The following IMMP2L variants were observed in gnomAD, a reference collection of about 807,000 sequenced individuals.
The protein encoded by IMMP2L is mitochondrial inner membrane protease subunit 2.
IMMP2L carries 18 observed loss-of-function variants against 19.3 expected under a neutral mutation model. The ratio of observed to expected loss-of-function variants is 0.93; its 90% CI spans 0.64 to 1.38. The LOEUF is 1.38. Ranked by LOEUF, IMMP2L falls within the 40% of genes most tolerant of loss-of-function variation. The pLI is 0.00. For missense variants in IMMP2L, 233 were observed against 218.2 expected, an observed-to-expected ratio of 1.07 and a Z score of -0.43; for synonymous variants, 76 against 73.0, an observed-to-expected ratio of 1.04 and a Z score of -0.21.
chr7:110,820,200 T>A (rs965676637), intron 5 of IMMP2L, among the ~76,000 whole-genome samples: 1 of 152,066 alleles, frequency 6.6e-6, no homozygotes, highest in African/African-American at 2.4e-5. Flanking sequence ...AATTTTTGAT[T>A]AACAGCATTC....
intron 3 of IMMP2L, among the ~76,000 whole-genome samples, chr7:111,347,957 TAA>T (rs372347400): frequency 1.3e-5 from 2 of 150,862 alleles, no homozygotes; most frequent in African/African-American, 4.9e-5. Flanking sequence ...TATGCAGCCA[TAA>T]AAAAAAGGAT....
chr7:111,398,602 A>G (rs910708406), intron 3 of IMMP2L, among the ~76,000 whole-genome samples: 2 of 152,094 alleles, frequency 1.3e-5, no homozygotes, highest in African/African-American at 4.8e-5. Flanking sequence ...TCTCTTCAGC[A>G]TAGTACTGGA....
At chr7:111,231,062 A>C (rs1459361056) in intron 3 of IMMP2L, among the ~76,000 whole-genome samples, 1 of 150,954 alleles carries the variant, frequency 6.6e-6, no homozygotes, top group African/African-American at 2.4e-5. Flanking sequence ...GTGTACATAT[A>C]AACAAAAAGA....
chr7:110,717,365 T>TA (rs1795296205), intron 5 of IMMP2L, among the ~76,000 whole-genome samples: 1 of 152,204 alleles, frequency 6.6e-6, no homozygotes, highest in South Asian at 2.1e-4. Context: ...CTTGGGAGGC[T>TA]GAGGCAGGAG....
intron 3 of IMMP2L, among the ~76,000 whole-genome samples, chr7:111,258,404 A>G (rs910936776): frequency 6.6e-6 from 1 of 152,204 alleles, no homozygotes; most frequent in Non-Finnish European, 1.5e-5. Context: ...ACTAATTACC[A>G]TCCATATTGT....
chr7:110,673,206 T>G (rs1348359424), intron 5 of IMMP2L, among the ~76,000 whole-genome samples: 11 of 152,252 alleles, frequency 7.2e-5, no homozygotes, highest in Admixed American at 7.2e-4. Context: ...CTGCCAAGGC[T>G]TGGGGCTTGT....
chr7:111,386,360 A>C (rs1432548788), intron 3 of IMMP2L, among the ~76,000 whole-genome samples: 1 of 152,190 alleles, frequency 6.6e-6, no homozygotes, highest in African/African-American at 2.4e-5. Context: ...GTTTAAGATA[A>C]GGCAAATACT....
intron 3 of IMMP2L, among the ~76,000 whole-genome samples, chr7:111,264,964 T>TGTTACCTGCATCTTG (rs1421332360): frequency 3.3e-5 from 5 of 152,160 alleles, no homozygotes; most frequent in Non-Finnish European, 5.9e-5. Context: ...CCTGCATCTT[T>TGTTACCTGCATCTTG]GTTACCTGCA....
At chr7:110,904,142 T>C (rs1812211190) in intron 4 of IMMP2L, among the ~76,000 whole-genome samples, 2 of 152,202 alleles carry the variant, frequency 1.3e-5, no homozygotes, top group African/African-American at 4.8e-5. Flanking sequence ...GCATTTGTGG[T>C]TTGCATATAG....
At chr7:111,379,719 C>T (rs1011143125) in intron 3 of IMMP2L, among the ~76,000 whole-genome samples, 1 of 151,762 alleles carries the variant, frequency 6.6e-6, no homozygotes, top group African/African-American at 2.4e-5. Flanking sequence ...TTATCAAACT[C>T]TAAATAACAA....
chr7:111,400,527 C>T (rs1183015931), intron 3 of IMMP2L, among the ~76,000 whole-genome samples: 1 of 152,076 alleles, frequency 6.6e-6, no homozygotes, highest in East Asian at 1.9e-4. Context: ...TTGACCTTCT[C>T]CAGCCTACCC....
chr7:111,306,424 A>G (rs941173966), intron 3 of IMMP2L, among the ~76,000 whole-genome samples: 4 of 152,128 alleles, frequency 2.6e-5, no homozygotes, highest in Non-Finnish European at 4.4e-5. Flanking sequence ...GTACATAGAA[A>G]ATCTCTGTAT....
intron 4 of IMMP2L, among the ~76,000 whole-genome samples, chr7:110,892,069 T>C (rs1457423078): frequency 6.6e-6 from 1 of 152,166 alleles, no homozygotes; most frequent in East Asian, 1.9e-4. Context: ...CCTCGAGGTC[T>C]CTCTGACCTC....
chr7:110,887,753 C>T (rs258976), intron 4 of IMMP2L, among the ~76,000 whole-genome samples: 96,984 of 148,304 alleles, frequency 0.65, 32,887 homozygotes, highest in African/African-American at 0.85. Flanking sequence ...TTTTTTTTTT[C>T]TCTCTTTTAT....
intron 1 of IMMP2L, among the ~76,000 whole-genome samples, chr7:111,529,644 A>C (rs1847208669): frequency 6.6e-6 from 1 of 152,166 alleles, no homozygotes; most frequent in Non-Finnish European, 1.5e-5. Context: ...TAATTATGTA[A>C]GGCATAAAGT....
chr7:111,330,497 C>T (rs1429699191), intron 3 of IMMP2L, among the ~76,000 whole-genome samples: 1 of 150,942 alleles, frequency 6.6e-6, no homozygotes, highest in African/African-American at 2.4e-5. Flanking sequence ...GCCCACTAGC[C>T]ACGGGGTGGG....
chr7:110,882,473 C>G (rs1273822287), intron 5 of IMMP2L, among the ~76,000 whole-genome samples: 1 of 151,940 alleles, frequency 6.6e-6, no homozygotes, highest in South Asian at 2.1e-4. Context: ...CTCCACCTCC[C>G]AGGTTCAAGT....
chr7:111,212,445 C>T (rs1369560844), intron 3 of IMMP2L, among the ~76,000 whole-genome samples: 2 of 152,036 alleles, frequency 1.3e-5, no homozygotes, highest in East Asian at 1.9e-4. Context: ...CCTGTCTCTA[C>T]AAAAAACACA....
intron 3 of IMMP2L, among the ~76,000 whole-genome samples, chr7:111,104,462 T>C (rs548481570): frequency 6.6e-6 from 1 of 151,972 alleles, no homozygotes; most frequent in South Asian, 2.1e-4. Context: ...TGATATGATG[T>C]CACTTTAGTA....
Sources: allele counts gnomAD v4.1 joint callset (sites outside exome capture counted in the v4.1 genomes callset), GRCh38; gene constraint gnomAD v4.1.1; transcripts MANE v1.5; gene names NCBI Gene and HGNC (gene_info 2026-07-23, HGNC 2026-07-21).